The following ADAMTSL1 variants were observed in gnomAD, a reference collection of about 807,000 sequenced individuals.
ADAMTSL1 encodes ADAMTS-like protein 1.
In ADAMTSL1, 126 loss-of-function variants were observed where a neutral mutation model predicts 201.8. The observed-to-expected ratio is 0.62, with a 90% CI of 0.54 to 0.72. The LOEUF (loss-of-function observed/expected upper bound fraction) is 0.72, where lower values mean the gene tolerates loss of function less well. ADAMTSL1 is among the 30% of genes least tolerant of loss of function. The pLI is 0.00. For missense variants in ADAMTSL1, 2,679 were observed against 2,277.8 expected (o/e 1.18, Z -3.59); for synonymous variants, 1,121 against 903.4 (o/e 1.24, Z -4.32).
chr9:18,289,793 C>T (rs1833178352), intron 2 of ADAMTSL1, among the ~76,000 whole-genome samples: 2 of 152,142 alleles, frequency 1.3e-5, no homozygotes. Context: ...ATATTCGGGC[C>T]AAAGTATGAA....
chr9:18,537,668 G>C (rs1296016114), intron 3 of ADAMTSL1, among the ~76,000 whole-genome samples: 1 of 152,060 alleles, frequency 6.6e-6, no homozygotes, highest in Non-Finnish European at 1.5e-5. Context: ...TTGAGGCCAG[G>C]AGTTTGAGAC....
intron 13 of ADAMTSL1, among the ~76,000 whole-genome samples, chr9:18,685,137 G>T (rs1160801685): frequency 6.6e-6 from 1 of 152,214 alleles, no homozygotes. Context: ...TGATGCCAAA[G>T]TCTGAGCTGC....
chr9:18,024,345 A>G (rs1820603959), intron 1 of ADAMTSL1, among the ~76,000 whole-genome samples: 1 of 152,022 alleles, frequency 6.6e-6, no homozygotes, highest in African/African-American at 2.4e-5. Flanking sequence ...GGTTTGGGGT[A>G]CAAATGATCT....
At chr9:18,860,817 T>C (rs1827168488) in intron 23 of ADAMTSL1, among the ~76,000 whole-genome samples, 1 of 152,100 alleles carries the variant, frequency 6.6e-6, no homozygotes, top group African/African-American at 2.4e-5. Context: ...ATGCTAATTG[T>C]ACATTTTAAA....
intron 1 of ADAMTSL1, among the ~76,000 whole-genome samples, chr9:18,486,117 C>T (rs1478442234): frequency 1.3e-5 from 2 of 152,140 alleles, no homozygotes; most frequent in Non-Finnish European, 2.9e-5. Context: ...GGGCTTGGAA[C>T]TGAGTCAGTG....
At chr9:18,584,250 G>T (rs1823317620) in intron 4 of ADAMTSL1, among the ~76,000 whole-genome samples, 1 of 152,098 alleles carries the variant, frequency 6.6e-6, no homozygotes, top group African/African-American at 2.4e-5. Flanking sequence ...TCTCGTGGTA[G>T]TGAATGAGTC....
Position 18,293,212 on chromosome 9 carries a change from G to A in ADAMTSL1, c.207+129231G>A, listed in dbSNP as rs113766282. Among the ~76,000 whole-genome samples the A allele has an allele frequency of 2.0e-3, 310 of 152,350 alleles. 1 individual carries two copies. The highest frequency in any genetic ancestry group is 6.8e-3 in the Middle Eastern group (2 of 294). ...CCATGTCTTTGCTATTGTGAATGGT[G>A]CTACAGTGAACATGCAAATGCTTGT... is the stretch of plus-strand genomic sequence containing the variant. On this transcript the variant is annotated intron_variant, in intron 2 of 29. Coordinates refer to the ADAMTSL1 transcript ENST00000680146.
chr9:18,667,598 A>G (rs929069847), intron 9 of ADAMTSL1, among the ~76,000 whole-genome samples: 6 of 152,186 alleles, frequency 3.9e-5, no homozygotes, highest in African/African-American at 1.2e-4. Context: ...TGAGGAATAC[A>G]TGGCATAATA....
At chr9:18,610,526 A>G (rs1462383303) in intron 4 of ADAMTSL1, among the ~76,000 whole-genome samples, 1 of 152,188 alleles carries the variant, frequency 6.6e-6, no homozygotes, top group Non-Finnish European at 1.5e-5. Context: ...AGAACCAGGA[A>G]GGAAAAAGGG....
At chr9:18,400,460 T>C (rs1817943168) in intron 2 of ADAMTSL1, among the ~76,000 whole-genome samples, 1 of 152,244 alleles carries the variant, frequency 6.6e-6, no homozygotes, top group Non-Finnish European at 1.5e-5. Flanking sequence ...GCCTTTACTA[T>C]GTTTCGTTCA....
chr9:18,348,762 T>C (rs574538386), intron 2 of ADAMTSL1, among the ~76,000 whole-genome samples: 1 of 152,258 alleles, frequency 6.6e-6, no homozygotes, highest in South Asian at 2.1e-4. Context: ...TTACTTTCTT[T>C]CCATTGAACC....
In ADAMTSL1 at chr9:18,777,212, C is replaced by T; in HGVS notation, c.2983C>T (p.His995Tyr). The change falls in exon 19 of 29, where the codon CAC (histidine) becomes TAC (tyrosine). Residue 995 changes from histidine (H) to tyrosine (Y), a missense_variant. Coordinates refer to ENST00000380548, the MANE Select transcript of ADAMTSL1 (RefSeq NM_001040272.6). ...CGGCCCGAAGGAGGCCCTGCAGACC[C>T]ACAAACACCAGAACGGGATCTTCTC... ...KGGPKEALQT[H>Y]KHQNGIFSNG... is the part of the protein sequence containing the mutation. 1 of 1,612,846 alleles carries T rather than the reference C, an allele frequency of 6.2e-7. No individual in the cohort carries two copies. The highest frequency in any genetic ancestry group is 8.5e-7 in the Non-Finnish European group (1 of 1,179,804).
intron 1 of ADAMTSL1, among the ~76,000 whole-genome samples, chr9:18,096,975 G>T (rs1044027607): frequency 2.6e-5 from 4 of 152,256 alleles, no homozygotes; most frequent in Admixed American, 1.3e-4. Flanking sequence ...TCCATTGTAA[G>T]TATGCTTTTG....
chr9:18,108,540 G>A lies in ADAMTSL1; in HGVS notation c.88-55322G>A, dbSNP rs1280613872. On this transcript the variant is annotated intron_variant, in intron 1 of 29. Transcript: ENST00000680146. Reference sequence around the variant, plus strand: ...AAAGGCTCTTGGAAGCCAGATCACAGAGAAGGTTAAAATACAAAATATTGG... The same window carrying A: ...AAAGGCTCTTGGAAGCCAGATCACAAAGAAGGTTAAAATACAAAATATTGG... 5.3e-5 allele frequency among the ~76,000 whole-genome samples: 8 copies of A among 152,010 alleles called. No individual in the cohort carries two copies. In the East Asian group the frequency reaches 5.8e-4, roughly 11 times the overall value.
intron 7 of ADAMTSL1, among the ~76,000 whole-genome samples, chr9:18,648,329 G>A (rs571733858): frequency 1.3e-5 from 2 of 149,734 alleles, no homozygotes; most frequent in Admixed American, 1.3e-4. Context: ...GATGGGTCTT[G>A]ACTCTTTATC....
chr9:18,050,855 A>T (rs536441094), intron 1 of ADAMTSL1, among the ~76,000 whole-genome samples: 1 of 152,162 alleles, frequency 6.6e-6, no homozygotes, highest in Admixed American at 6.5e-5. Context: ...GTTTTGGTAA[A>T]AAAAGGAAAT....
At chr9:18,355,358 C>G (rs942750170) in intron 2 of ADAMTSL1, among the ~76,000 whole-genome samples, 13 of 151,974 alleles carry the variant, frequency 8.6e-5, no homozygotes, top group African/African-American at 2.9e-4. Flanking sequence ...GTAGCCTTAG[C>G]TTTTTGTTAT....
chr9:18,861,470 G>C (rs1827212776), intron 23 of ADAMTSL1, among the ~76,000 whole-genome samples: 1 of 152,176 alleles, frequency 6.6e-6, no homozygotes, highest in Admixed American at 6.5e-5. Flanking sequence ...CCATCAGAGA[G>C]TCCACTAAAT....
intron 3 of ADAMTSL1, among the ~76,000 whole-genome samples, chr9:18,543,224 A>G (rs540447294): frequency 6.6e-6 from 1 of 152,318 alleles, no homozygotes; most frequent in East Asian, 1.9e-4. Flanking sequence ...TCATTATAGG[A>G]CATTGTGGTT....
Sources: gnomAD v4.1 joint callset for allele counts (sites outside exome capture counted in the v4.1 genomes callset) on GRCh38, gnomAD v4.1.1 for gene constraint, MANE v1.5 for transcripts, NCBI Gene and HGNC (gene_info 2026-07-23, HGNC 2026-07-21) for gene names.